SLC4A10: variants seen among roughly 807,000 people sequenced by gnomAD.
SLC4A10 encodes the protein solute carrier family 4 member 10, also known as sodium-driven chloride bicarbonate exchanger.
In SLC4A10, 42 loss-of-function variants were observed where a neutral mutation model predicts 137.7. That is an observed-to-expected ratio of 0.30 (90% CI 0.24 to 0.39). The LOEUF (loss-of-function observed/expected upper bound fraction) is 0.39, where lower values mean the gene tolerates loss of function less well. Ranked by LOEUF, SLC4A10 falls within the 10% of genes least tolerant of loss-of-function variation. The pLI is 1.00. For missense variants in SLC4A10, 925 were observed against 1,355.0 expected (o/e 0.68, Z 4.98); for synonymous variants, 474 against 464.1 (o/e 1.02, Z -0.27).
intron 1 of SLC4A10, among the ~76,000 whole-genome samples, chr2:161,701,345 A>G: frequency 6.6e-6 from 1 of 152,046 alleles, no homozygotes; most frequent in Non-Finnish European, 1.5e-5. Flanking sequence ...ACCTGTCTTT[A>G]GCTTTCATAA....
chr2:161,944,649 A>C (rs1337508785), intron 16 of SLC4A10, among the ~76,000 whole-genome samples: 2 of 151,602 alleles, frequency 1.3e-5, no homozygotes, highest in African/African-American at 2.4e-5. Flanking sequence ...ACATTTGAGC[A>C]GAAAGTTTCA....
At chr2:161,905,610 T>A (rs780934890) in intron 14 of SLC4A10, 32 bp from the exon 15 acceptor site, 1 of 1,547,704 alleles carries the variant, frequency 6.5e-7, no homozygotes, top group South Asian at 1.3e-5. Flanking sequence ...AATGACCTTC[T>A]TTTCACTGTT....
chr2:161,856,656 TAC>T (rs1335047086), intron 5 of SLC4A10, among the ~76,000 whole-genome samples: 1 of 152,160 alleles, frequency 6.6e-6, no homozygotes, highest in African/African-American at 2.4e-5. Flanking sequence ...TTCTTAGCTT[TAC>T]ATTATATGGT....
intron 1 of SLC4A10, among the ~76,000 whole-genome samples, chr2:161,674,837 G>A (rs1184106530): frequency 3.3e-5 from 5 of 152,142 alleles, no homozygotes; most frequent in Admixed American, 6.6e-5. Flanking sequence ...CTATTAAAGA[G>A]CTTACATTCT....
At chr2:161,704,375 A>G (rs1336612699) in intron 1 of SLC4A10, among the ~76,000 whole-genome samples, 1 of 151,724 alleles carries the variant, frequency 6.6e-6, no homozygotes, top group East Asian at 1.9e-4. Context: ...AGTCAATGAA[A>G]GTAGATTTGA....
chr2:161,817,758 T>C (rs1232181805), intron 3 of SLC4A10, among the ~76,000 whole-genome samples: 1 of 152,102 alleles, frequency 6.6e-6, no homozygotes, highest in Non-Finnish European at 1.5e-5. Flanking sequence ...ATTGCTTGTT[T>C]TTGTCAGGTT....
chr2:161,636,288 T>A (rs1457404569), intron 1 of SLC4A10, among the ~76,000 whole-genome samples: 1 of 152,216 alleles, frequency 6.6e-6, no homozygotes, highest in African/African-American at 2.4e-5. Flanking sequence ...TAATGTTCTG[T>A]AGGTTTATCT....
chr2:161,645,858 A>C (rs918174112), intron 1 of SLC4A10, among the ~76,000 whole-genome samples: 6 of 152,036 alleles, frequency 3.9e-5, no homozygotes, highest in African/African-American at 1.4e-4. Flanking sequence ...ATTCTTGTTC[A>C]CTTTTGAGAA....
chr2:161,624,494 G>A lies in SLC4A10; in HGVS notation c.-25G>A, dbSNP rs1476810909. ...CACTGAAGACACTGCAGAGCAAGGTGCTTATTCCAGAGGCGTTACAAAACA... is the reference window on the plus strand; with the variant it reads ...CACTGAAGACACTGCAGAGCAAGGTACTTATTCCAGAGGCGTTACAAAACA... On this transcript the variant is annotated 5_prime_UTR_variant, in exon 1 of 27. Coordinates refer to ENST00000446997, the MANE Select transcript of SLC4A10 (RefSeq NM_001178015.2). 1 of 1,552,472 alleles carries A rather than the reference G, an allele frequency of 6.4e-7. No homozygotes were observed. Among genetic ancestry groups the A allele is most frequent in the Non-Finnish European group, 8.7e-7 (1 of 1,147,434 alleles).
At chr2:161,633,175 T>G (rs978355378) in intron 1 of SLC4A10, among the ~76,000 whole-genome samples, 3 of 151,702 alleles carry the variant, frequency 2.0e-5, no homozygotes, top group Non-Finnish European at 1.5e-5. Flanking sequence ...TTTCAACTTA[T>G]GATATTTTCA....
At chr2:161,902,208 G>A (rs1222058902) in intron 12 of SLC4A10, 2 of 409,548 alleles carry the variant, frequency 4.9e-6, no homozygotes, top group South Asian at 1.8e-5. Flanking sequence ...ACTGCTAAAA[G>A]CACATTTATT....
chr2:161,841,647 T>A (rs768150853), intron 4 of SLC4A10, among the ~76,000 whole-genome samples: 4 of 152,186 alleles, frequency 2.6e-5, no homozygotes, highest in Non-Finnish European at 4.4e-5. Flanking sequence ...TTTTCAGTGG[T>A]CTTTACAGCT....
intron 8 of SLC4A10, among the ~76,000 whole-genome samples, chr2:161,878,115 T>TA (rs201501389): frequency 4.6e-5 from 7 of 152,046 alleles, no homozygotes; most frequent in South Asian, 2.1e-4. Flanking sequence ...CTATCTAGGC[T>TA]AAAAAAAATC....
chr2:161,950,706 G>T lies in SLC4A10; in HGVS notation c.2399G>T (p.Gly800Val). 6.3e-7 allele frequency: 1 copy of T among 1,590,628 alleles called. No homozygotes were observed. The highest frequency in any genetic ancestry group is 8.6e-7 in the Non-Finnish European group (1 of 1,167,182). Reference protein sequence around the residue: ...SVFKPTRDDRGWFVTPLGPNP... With the variant: ...SVFKPTRDDRVWFVTPLGPNP... ...ATACAGCCCACTAGAGATGATCGTG[G>T]CTGGTTTGTTACGCCTTTAGGTCCA... Residue 800 changes from glycine to valine, a missense_variant, in exon 19 of 27, where the codon GGC becomes GTC. This residue lies in a region of SLC4A10 where 82 missense variants were observed against 151.4 expected (regional missense o/e 0.54). Transcript: ENST00000446997.
intron 1 of SLC4A10, among the ~76,000 whole-genome samples, chr2:161,716,987 G>A (rs1574529318): frequency 6.6e-6 from 1 of 152,266 alleles, no homozygotes; most frequent in East Asian, 1.9e-4. Flanking sequence ...GCAGTGGTTT[G>A]TAGTTCTCCT....
chr2:161,883,710 C>G (rs1471547538), intron 10 of SLC4A10, among the ~76,000 whole-genome samples: 2 of 152,098 alleles, frequency 1.3e-5, no homozygotes, highest in Admixed American at 6.6e-5. Context: ...TCTGGTGGCT[C>G]TTGGTCTTCC....
intron 1 of SLC4A10, among the ~76,000 whole-genome samples, chr2:161,748,811 TG>T (rs2048654779): frequency 6.6e-6 from 1 of 152,120 alleles, no homozygotes; most frequent in African/African-American, 2.4e-5. Context: ...TCTATGTGTA[TG>T]AAAAATGCCA....
At chr2:161,647,495 A>T (rs2036218624) in intron 1 of SLC4A10, among the ~76,000 whole-genome samples, 1 of 152,042 alleles carries the variant, frequency 6.6e-6, no homozygotes, top group Non-Finnish European at 1.5e-5. Context: ...TTACTGTGAA[A>T]TAATTTATAT....
At chr2:161,920,052 G>A (rs1687837135) in intron 15 of SLC4A10, among the ~76,000 whole-genome samples, 1 of 152,196 alleles carries the variant, frequency 6.6e-6, no homozygotes, top group African/African-American at 2.4e-5. Context: ...CCCCACCACA[G>A]CAGCCAGCAT....
Sources: allele counts gnomAD v4.1 joint callset (sites outside exome capture counted in the v4.1 genomes callset), GRCh38; gene constraint gnomAD v4.1.1; regional missense constraint gnomAD v4.1.1; transcripts MANE v1.5; gene names NCBI Gene and HGNC (gene_info 2026-07-23, HGNC 2026-07-21).